Variants in TLN2 observed in about 807,000 individuals in gnomAD.
The protein encoded by TLN2 is talin 2.
A neutral mutation model predicts 294.7 loss-of-function variants in TLN2; 118 were observed. The ratio of observed to expected loss-of-function variants is 0.40; its 90% CI spans 0.34 to 0.47. The LOEUF (loss-of-function observed/expected upper bound fraction) is 0.47. TLN2 is among the 20% of genes least tolerant of loss of function. TLN2 has a pLI of 0.84. For missense variants in TLN2, 3,083 were observed against 3,282.2 expected (o/e 0.94, Z 1.48); for synonymous variants, 1,431 against 1,304.5 (o/e 1.10, Z -2.09).
chr15:62,795,488 G>A (rs1021684269), intron 46 of TLN2, among the ~76,000 whole-genome samples: 3 of 152,144 alleles, frequency 2.0e-5, no homozygotes, highest in Non-Finnish European at 1.5e-5. Context: ...ACACCCGAGT[G>A]AACTTGCTGG....
chr15:62,507,983 T>G (rs1173266867), intron 1 of TLN2, among the ~76,000 whole-genome samples: 1 of 151,986 alleles, frequency 6.6e-6, no homozygotes, highest in East Asian at 1.9e-4. Context: ...TGGTGAAATT[T>G]CAAGGTTTTT....
At chr15:62,699,615 A>G (rs1264724688) in intron 16 of TLN2, among the ~76,000 whole-genome samples, 1 of 152,172 alleles carries the variant, frequency 6.6e-6, no homozygotes, top group Non-Finnish European at 1.5e-5. Context: ...GACCAGCAGC[A>G]TTGGCAATTC....
Position 62,686,626 on chromosome 15 carries a change from T to A in TLN2, c.958-15T>A. The A allele has an allele frequency of 6.2e-7, 1 of 1,606,436 alleles. No individual in the cohort carries two copies. The highest frequency in any genetic ancestry group is 1.1e-5 in the South Asian group (1 of 89,730). Reference sequence around the variant, plus strand: ...TCAGAAGAAGAGCACTGACTCTTGGTATCTCCTGTTTCAGGAGAAGATGAA... The same window carrying A: ...TCAGAAGAAGAGCACTGACTCTTGGAATCTCCTGTTTCAGGAGAAGATGAA... On this transcript the variant is annotated splice_polypyrimidine_tract_variant and intron_variant, in intron 11 of 58. Transcript: ENST00000636159.
chr15:62,459,876 GT>G (rs1413214272), intron 1 of TLN2, among the ~76,000 whole-genome samples: 1 of 152,122 alleles, frequency 6.6e-6, no homozygotes, highest in African/African-American at 2.4e-5. Flanking sequence ...TACTCATGTA[GT>G]TTTTTCCCCC....
At chr15:62,506,150 A>G (rs1402707649) in intron 1 of TLN2, among the ~76,000 whole-genome samples, 4 of 152,210 alleles carry the variant, frequency 2.6e-5, no homozygotes, top group African/African-American at 9.6e-5. Flanking sequence ...TTAAAAGCCC[A>G]GCACAAATCT....
At chr15:62,772,658 T>G (rs913114401) in intron 42 of TLN2, among the ~76,000 whole-genome samples, 2 of 88,374 alleles carry the variant, frequency 2.3e-5, no homozygotes, top group African/African-American at 9.0e-5. Context: ...TTTCTGGATT[T>G]ATTTATTTAT....
At chr15:62,713,704 A>G (rs530298253) in intron 22 of TLN2, among the ~76,000 whole-genome samples, 1 of 152,098 alleles carries the variant, frequency 6.6e-6, no homozygotes, top group South Asian at 2.1e-4. Flanking sequence ...TGTGACACAT[A>G]GTGAGCCATG....
chr15:62,812,063 C>T (rs927177083), intron 52 of TLN2, among the ~76,000 whole-genome samples: 1 of 122,748 alleles, frequency 8.1e-6, no homozygotes, highest in Middle Eastern at 4.1e-3. Context: ...ATAAAATCTG[C>T]CACTGGGAAG....
intron 1 of TLN2, among the ~76,000 whole-genome samples, chr15:62,576,380 G>A (rs2140665979): frequency 6.6e-6 from 1 of 152,256 alleles, no homozygotes; most frequent in Middle Eastern, 3.4e-3. Context: ...CTCTAGAGGA[G>A]CACTGTCTAC....
At chr15:62,559,018 T>C (rs2042765498) in intron 1 of TLN2, among the ~76,000 whole-genome samples, 1 of 152,220 alleles carries the variant, frequency 6.6e-6, no homozygotes, top group Non-Finnish European at 1.5e-5. Context: ...CTTCATATTT[T>C]GGGGTGGCCT....
intron 1 of TLN2, among the ~76,000 whole-genome samples, chr15:62,463,104 G>A (rs1001440924): frequency 9.2e-5 from 14 of 152,108 alleles, no homozygotes; most frequent in African/African-American, 3.4e-4. Context: ...GAACTTCTTT[G>A]GATGTTTTTC....
intron 3 of TLN2, among the ~76,000 whole-genome samples, chr15:62,625,332 G>A (rs1020421117): frequency 6.6e-6 from 1 of 152,198 alleles, no homozygotes; most frequent in Non-Finnish European, 1.5e-5. Context: ...CAATGCTGTG[G>A]CCTGTTGTGG....
At chr15:62,786,422 G>A (rs940528336) in intron 45 of TLN2, among the ~76,000 whole-genome samples, 1 of 152,088 alleles carries the variant, frequency 6.6e-6, no homozygotes, top group African/African-American at 2.4e-5. Context: ...GAAAATTCAA[G>A]CCTTTGTTAA....
At chr15:62,824,084 A>G (rs1223920499) in intron 54 of TLN2, 2 of 456,548 alleles carry the variant, frequency 4.4e-6, no homozygotes, top group Non-Finnish European at 9.1e-6. Flanking sequence ...GGCAACAGGA[A>G]AGAACACGTT....
chr15:62,796,026 T>A (rs2065451346), intron 46 of TLN2, 101 bp from the exon 47 acceptor site: 2 of 1,447,314 alleles, frequency 1.4e-6, no homozygotes, highest in Non-Finnish European at 1.9e-6. Flanking sequence ...ACCTCTAAGC[T>A]ACATCAACTC....
intron 57 of TLN2, chr15:62,838,046 A>G (rs553059575): frequency 6.6e-6 from 1 of 152,398 alleles, no homozygotes; most frequent in East Asian, 1.9e-4. Context: ...AGCATTAAAA[A>G]TAAGCCAATA....
chr15:62,718,524 T>C (rs1416730229), intron 24 of TLN2, among the ~76,000 whole-genome samples: 1 of 152,200 alleles, frequency 6.6e-6, no homozygotes, highest in African/African-American at 2.4e-5. Context: ...CCTTTGCTTC[T>C]GATGGAGCCC....
At chr15:62,726,665 T>G (rs943694965) in intron 27 of TLN2, among the ~76,000 whole-genome samples, 29 of 152,232 alleles carry the variant, frequency 1.9e-4, no homozygotes, top group African/African-American at 6.8e-4. Flanking sequence ...GTCTGCCCAC[T>G]TCCTGCCCAG....
intron 45 of TLN2, 75 bp from the exon 46 acceptor site, chr15:62,792,566 T>G (rs2065148460): frequency 2.6e-6 from 4 of 1,564,028 alleles, no homozygotes; most frequent in Non-Finnish European, 3.5e-6. Flanking sequence ...ATAGGAGAAA[T>G]TTTCCACGTA....
Sources: gnomAD v4.1 joint callset for allele counts (sites outside exome capture counted in the v4.1 genomes callset) on GRCh38, gnomAD v4.1.1 for gene constraint, MANE v1.5 for transcripts, NCBI Gene and HGNC (gene_info 2026-07-23, HGNC 2026-07-21) for gene names.